GTF2A1L: variants seen among roughly 807,000 people sequenced by gnomAD.
GTF2A1L encodes the protein TFIIA-alpha and beta-like factor.
Under a neutral mutation model 49.7 loss-of-function variants are expected in GTF2A1L, and 48 were observed. The ratio of observed to expected loss-of-function variants is 0.97; its 90% confidence interval spans 0.77 to 1.23. The LOEUF is 1.23. GTF2A1L is among the 50% of genes most tolerant of loss of function. The probability of loss-of-function intolerance (pLI) is 0.00; values close to 1 mark genes in which losing one functional copy is unlikely to be tolerated. For synonymous variants in GTF2A1L, 246 were observed against 193.5 expected (o/e 1.27, Z -2.25); for missense variants, 736 against 564.8 (o/e 1.30, Z -3.07).
rs146790106 is a variant in GTF2A1L, at chr2:48,679,394, A to G, written c.1389A>G (p.Gly463=). 39 of 1,612,492 alleles carry G rather than the reference A, an allele frequency of 2.4e-5. No individual in the cohort carries two copies. The highest frequency in any genetic ancestry group is 3.2e-5 in the Non-Finnish European group (38 of 1,179,044). Residue 463 remains glycine, a synonymous_variant, in exon 9 of 9, where the codon GGA becomes GGG. Coordinates refer to ENST00000403751, the MANE Select transcript of GTF2A1L (RefSeq NM_006872.5). ...FYLKDGVMCF[G]GRDYVFAKAI... is the part of the protein sequence containing the mutation. ...TGAAAGATGGTGTTATGTGTTTTGG[A>G]GGGAGAGACTATGTATTTGCAAAAG...
intron 3 of GTF2A1L, among the ~76,000 whole-genome samples, chr2:48,636,077 G>A (rs1345780976): frequency 2.0e-5 from 3 of 152,128 alleles, no homozygotes; most frequent in African/African-American, 7.2e-5. Context: ...TTGGGATTTG[G>A]AGTATCCTGC....
Position 48,638,623 on chromosome 2 carries a change from G to A in GTF2A1L, c.248-3779G>A, listed in dbSNP as rs568279190. On this transcript the variant is annotated intron_variant, in intron 3 of 8. Transcript: ENST00000403751. ...ACAAACCTACAGCCAACATTATACT[G>A]AATGGGGAAAAGCTGAATGCATTCC... Among the ~76,000 whole-genome samples, 13 of 152,206 alleles carry A rather than the reference G, an allele frequency of 8.5e-5. 1 individual carries two copies. The South Asian group carries it at 2.7e-3, about 32-fold the overall frequency.
intron 8 of GTF2A1L, among the ~76,000 whole-genome samples, chr2:48,673,438 C>G (rs554194240): frequency 4.9e-4 from 72 of 145,900 alleles, no homozygotes; most frequent in African/African-American, 1.7e-3. Context: ...TCTTGGCTCA[C>G]TGCAAGCTCC....
intron 4 of GTF2A1L, 79 bp from the exon 5 acceptor site, chr2:48,644,954 G>T: frequency 8.0e-7 from 1 of 1,254,070 alleles, no homozygotes. Flanking sequence ...CAGATTTTTT[G>T]ACTCCCTGTG....
intron 4 of GTF2A1L, among the ~76,000 whole-genome samples, chr2:48,643,900 T>C (rs1677347734): frequency 6.6e-6 from 1 of 152,200 alleles, no homozygotes; most frequent in South Asian, 2.1e-4. Flanking sequence ...GGTTTCACCA[T>C]GTTGGCCAGG....
rs964349153 is a variant in GTF2A1L at position 48,631,119 on chromosome 2, G to A, written c.247+9829G>A. On this transcript the variant is annotated intron_variant, in intron 3 of 8. Transcript: ENST00000403751. ...CTTTTTCAGGTTTTGGTATAAAGGC[G>A]ACGCTGGCTTCATAGAATGAGTTAG... Among the ~76,000 whole-genome samples the A allele has an allele frequency of 7.2e-5, 11 of 152,032 alleles. No individual in the cohort carries two copies. In the East Asian group the frequency reaches 9.6e-4, roughly 13 times the overall value.
intron 7 of GTF2A1L, among the ~76,000 whole-genome samples, chr2:48,671,048 C>T (rs553478568): frequency 1.3e-5 from 2 of 152,084 alleles, no homozygotes; most frequent in South Asian, 4.1e-4. Context: ...TCTCGAACTC[C>T]TGGCCTCAAG....
intron 8 of GTF2A1L, among the ~76,000 whole-genome samples, chr2:48,676,895 G>A (rs765237612): frequency 4.0e-4 from 60 of 149,586 alleles, no homozygotes; most frequent in South Asian, 1.5e-3. Context: ...TTGTCTTGGT[G>A]TATAATGTAA....
At chr2:48,670,169 G>T (rs1342051688) in intron 7 of GTF2A1L, among the ~76,000 whole-genome samples, 187 bp downstream of exon 7, 2 of 152,154 alleles carry the variant, frequency 1.3e-5, no homozygotes, top group Non-Finnish European at 2.9e-5. Flanking sequence ...GAGGCAGGTG[G>T]ATCATTTGAG....
rs1222953220 is a variant in GTF2A1L, at chr2:48,628,514, A to G, written c.247+7224A>G. Among the ~76,000 whole-genome samples the G allele has an allele frequency of 2.6e-4, 38 of 143,676 alleles. 5 individuals are homozygous for G. Among genetic ancestry groups the G allele is most frequent in the Admixed American group, 2.6e-3 (37 of 14,220 alleles). The allele number at this position is 143,676 out of a possible 152,430, so 94.3% of individuals were successfully genotyped here. A position where few individuals can be genotyped will look rare whatever the true frequency, so the allele number is the denominator to read the frequency against. Reference sequence around the variant, plus strand: ...TTTTTCATATATTGGCCACTTCTATATCTTTTGAGAAGCATCTGTACATGT... The same window carrying G: ...TTTTTCATATATTGGCCACTTCTATGTCTTTTGAGAAGCATCTGTACATGT... On this transcript the variant is annotated intron_variant, in intron 3 of 8. Transcript: ENST00000403751.
In GTF2A1L at chr2:48,621,202, A is replaced by G. The variant is rs1361627902; in HGVS notation, c.159A>G (p.Thr53=). ...CCAAGGTTTTGCAGTCTAAAGCAAC[A>G]GAAGACTTCTTCAGAAATAGCATCC... is the stretch of plus-strand genomic sequence containing the variant. ...WETKVLQSKA[T]EDFFRNSIQS... is the part of the protein sequence containing the mutation. Residue 53 remains threonine (T), a synonymous_variant, in exon 3 of 9, where the codon ACA becomes ACG. Coordinates refer to ENST00000403751, the MANE Select transcript of GTF2A1L (RefSeq NM_006872.5). 6.2e-7 allele frequency: 1 copy of G among 1,614,130 alleles called. No individual in the cohort carries two copies. The highest frequency in any genetic ancestry group is 2.2e-5 in the East Asian group (1 of 44,874).
chr2:48,625,331 G>C (rs543803851), intron 3 of GTF2A1L, among the ~76,000 whole-genome samples: 1 of 143,828 alleles, frequency 7.0e-6, no homozygotes, highest in African/African-American at 2.5e-5. Context: ...GCACCTTTTT[G>C]TATACCTGTT....
At chr2:48,659,045 C>T (rs539496227) in intron 6 of GTF2A1L, among the ~76,000 whole-genome samples, 175 of 152,222 alleles carry the variant, frequency 1.1e-3, no homozygotes, top group African/African-American at 4.1e-3. Context: ...AAGGTTTCTG[C>T]TGAGAAGTCT....
chr2:48,623,372 A>G (rs368301166), intron 3 of GTF2A1L, among the ~76,000 whole-genome samples: 4 of 152,210 alleles, frequency 2.6e-5, no homozygotes, highest in African/African-American at 9.6e-5. Context: ...CAAAATCACA[A>G]TGAGATACCG....
At chr2:48,644,930 C>G (rs1215677829) in intron 4 of GTF2A1L, 103 bp from the exon 5 acceptor site, 2 of 977,828 alleles carry the variant, frequency 2.0e-6, no homozygotes, top group Non-Finnish European at 2.9e-6. Context: ...TATTGTCAAA[C>G]TATTGTCCAG....
chr2:48,634,272 T>C (rs184499187), intron 3 of GTF2A1L, among the ~76,000 whole-genome samples: 170 of 152,150 alleles, frequency 1.1e-3, no homozygotes, highest in African/African-American at 3.9e-3. Flanking sequence ...TAACCACGCC[T>C]GGCTAATTTT....
chr2:48,617,883 C>A lies in GTF2A1L; in HGVS notation c.9C>A (p.Cys3Ter). The change falls in exon 1 of 9, where the codon TGC (cysteine) becomes TGA (stop). Residue 3 changes from cysteine to a stop codon, truncating the protein, a stop_gained. Coordinates refer to ENST00000403751, the MANE Select transcript of GTF2A1L (RefSeq NM_006872.5). LOFTEE classifies it high-confidence loss of function. MA[C>*]LNPVPKLYRS... is the part of the protein sequence containing the mutation. ...GTGCTGGAGGTGCTGTCATGGCCTGCCTCAACCCGGTGGTAAGGAAGACCT... is the reference window on the plus strand; with the variant it reads ...GTGCTGGAGGTGCTGTCATGGCCTGACTCAACCCGGTGGTAAGGAAGACCT... The A allele has an allele frequency of 6.4e-7, 1 of 1,551,848 alleles. No individual in the cohort carries two copies. The highest frequency in any genetic ancestry group is 8.7e-7 in the Non-Finnish European group (1 of 1,147,054).
chr2:48,660,844 C>T (rs1427892290), intron 6 of GTF2A1L, among the ~76,000 whole-genome samples: 1 of 151,890 alleles, frequency 6.6e-6, no homozygotes, highest in Non-Finnish European at 1.5e-5. Flanking sequence ...TTTTGCCATG[C>T]TGGCCAGGCT....
chr2:48,644,690 A>G (rs1432242853), intron 4 of GTF2A1L, among the ~76,000 whole-genome samples: 2 of 152,214 alleles, frequency 1.3e-5, no homozygotes, highest in African/African-American at 4.8e-5. Context: ...CACATTCTCA[A>G]CAACACTGGA....
Sources: allele counts gnomAD v4.1 joint callset (sites outside exome capture counted in the v4.1 genomes callset), GRCh38; gene constraint gnomAD v4.1.1; transcripts MANE v1.5; gene names NCBI Gene and HGNC (gene_info 2026-07-23, HGNC 2026-07-21).